ASB9: variants seen among roughly 807,000 people sequenced by gnomAD.
ASB9 encodes the protein ankyrin repeat and SOCS box containing 9.
ASB9 carries 5 observed loss-of-function variants against 16.6 expected under a neutral mutation model. That is an observed-to-expected ratio of 0.30 (90% confidence interval 0.16 to 0.63). The LOEUF (loss-of-function observed/expected upper bound fraction) is 0.63, where lower values mean the gene tolerates loss of function less well. Ranked by LOEUF, ASB9 falls within the 30% of genes least tolerant of loss-of-function variation. The pLI is 0.82. For missense variants in ASB9, 216 were observed against 229.4 expected (o/e 0.94, Z 0.38); for synonymous variants, 100 against 86.4 (o/e 1.16, Z -0.87).
intron 3 of ASB9, among the ~76,000 whole-genome samples, chrX:15,254,326 C>T (rs7066576): frequency 0.19 from 21,328 of 111,675 alleles, 2,324 homozygotes; most frequent in African/African-American, 0.41. Flanking sequence ...TCCATTTTTG[C>T]TGCTCTTGCA....
chrX:15,259,570 G>A (rs955278901), intron 1 of ASB9, among the ~76,000 whole-genome samples: 12 of 112,684 alleles, frequency 1.1e-4, no homozygotes, highest in South Asian at 3.6e-4. Context: ...ATTCAGACCC[G>A]CTTCACCTTT....
At chrX:15,266,650 T>C (rs1038394468) in intron 1 of ASB9, among the ~76,000 whole-genome samples, 17 of 111,367 alleles carry the variant, frequency 1.5e-4, no homozygotes, top group Non-Finnish European at 1.9e-4. Context: ...TTAGGAACTT[T>C]AGAAATCCTG....
chrX:15,268,053 C>T (rs1007009383), intron 1 of ASB9, among the ~76,000 whole-genome samples: 4 of 109,853 alleles, frequency 3.6e-5, no homozygotes, highest in Non-Finnish European at 7.6e-5. Flanking sequence ...GACTGACGGC[C>T]GGGCGTGGTG....
chrX:15,250,601 C>T (rs1211065452), intron 4 of ASB9, 37 bp from the exon 5 acceptor site: 1 of 1,166,281 alleles, frequency 8.6e-7, no homozygotes, highest in Admixed American at 2.3e-5. Flanking sequence ...AGTTACAATA[C>T]AAGTTCCCTT....
At chrX:15,248,119 A>G (rs752114733) in intron 6 of ASB9, among the ~76,000 whole-genome samples, 1 of 111,880 alleles carries the variant, frequency 8.9e-6, no homozygotes, top group Non-Finnish European at 1.9e-5. Flanking sequence ...GTGGCTCCCC[A>G]ACTTGAGGTG....
intron 4 of ASB9, among the ~76,000 whole-genome samples, chrX:15,250,959 G>C (rs943327423): frequency 4.5e-5 from 5 of 111,593 alleles, no homozygotes; most frequent in Non-Finnish European, 7.5e-5. Context: ...CTGACCTCGT[G>C]GTCCGCCCGC....
chrX:15,264,698 G>C (rs1455768496), intron 1 of ASB9, among the ~76,000 whole-genome samples: 1 of 111,537 alleles, frequency 9.0e-6, no homozygotes, highest in Non-Finnish European at 1.9e-5. Flanking sequence ...ACAGCATTCT[G>C]AGTGTTCCCC....
intron 5 of ASB9, 87 bp from the exon 6 acceptor site, chrX:15,249,022 C>G: frequency 1.0e-6 from 1 of 958,067 alleles, no homozygotes; most frequent in South Asian, 3.0e-5. Context: ...CCAAAATTTC[C>G]TAACAAGAGG....
chrX:15,252,288 A>T lies in ASB9; in HGVS notation c.399T>A (p.Asp133Glu), dbSNP rs369486536. The change falls in exon 4 of 7, where the codon GAT becomes GAA. Residue 133 changes from aspartate to glutamate, a missense_variant. Physicochemically the swap from Asp to Glu is conservative, Grantham distance 45. Transcript: ENST00000380488. ...QHGASVQPES[D>E]LASPIHEAAR... ...CAGCTTCATGGATGGGGGATGCCAG[A>T]TCACTCTCAGGTTGAACGCTGGCTC... is the stretch of plus-strand genomic sequence containing the variant. The T allele has an allele frequency of 1.1e-5, 13 of 1,207,464 alleles. No homozygotes were observed. The African/African-American group carries it at 1.9e-4, about 18-fold the overall frequency.
intron 1 of ASB9, among the ~76,000 whole-genome samples, chrX:15,267,425 T>TTAAAAAAAAAAAAAAAAAAATAC (rs377056337): frequency 4.6e-5 from 4 of 87,655 alleles, no homozygotes; most frequent in African/African-American, 1.2e-4. Flanking sequence ...AAAATATATA[T>TTAAAAAAAAAAAAAAAAAAATAC]ATATATATAA....
intron 6 of ASB9, among the ~76,000 whole-genome samples, chrX:15,247,396 G>A (rs1435263230): frequency 1.8e-5 from 2 of 111,837 alleles, no homozygotes; most frequent in Non-Finnish European, 3.8e-5. Flanking sequence ...AAAGCAGAAG[G>A]GAAAAGCCAG....
intron 2 of ASB9, among the ~76,000 whole-genome samples, chrX:15,255,385 A>C (rs1337264581): frequency 9.0e-6 from 1 of 111,585 alleles, no homozygotes; most frequent in Non-Finnish European, 1.9e-5. Flanking sequence ...AGGCAAAACT[A>C]CCCCATATTG....
chrX:15,253,532 G>A (rs185948905), intron 3 of ASB9, among the ~76,000 whole-genome samples: 170 of 108,683 alleles, frequency 1.6e-3, no homozygotes, highest in African/African-American at 5.3e-3. Context: ...CCCAGGAGGC[G>A]GAGGTTGCAG....
intron 2 of ASB9, among the ~76,000 whole-genome samples, chrX:15,256,664 C>CT: frequency 9.8e-6 from 1 of 102,512 alleles, no homozygotes; most frequent in Admixed American, 1.1e-4. Flanking sequence ...GTAGTCCCAG[C>CT]TACTCGGGAG....
intron 6 of ASB9, among the ~76,000 whole-genome samples, chrX:15,246,456 C>T (rs1165563682): frequency 9.0e-6 from 1 of 111,389 alleles, no homozygotes; most frequent in East Asian, 2.8e-4. Context: ...TCTTTTTTCC[C>T]CCAGCAACAA....
At chrX:15,248,038 C>T (rs1924808809) in intron 6 of ASB9, among the ~76,000 whole-genome samples, 1 of 111,952 alleles carries the variant, frequency 8.9e-6, no homozygotes, top group Admixed American at 9.5e-5. Flanking sequence ...CTTCAGAGTC[C>T]ATACTCCGGT....
chrX:15,256,775 C>CAA (rs1248547700), intron 2 of ASB9, among the ~76,000 whole-genome samples: 29 of 35,932 alleles, frequency 8.1e-4, no homozygotes, highest in African/African-American at 1.4e-3. Flanking sequence ...GACTCCGTCT[C>CAA]AAAAAAAAAA....
chrX:15,263,386 G>A (rs1926127925), intron 1 of ASB9, among the ~76,000 whole-genome samples: 1 of 111,130 alleles, frequency 9.0e-6, no homozygotes, highest in Admixed American at 9.6e-5. Flanking sequence ...TGTGGACCTT[G>A]GTTTGATCCC....
At chrX:15,244,679 G>C in intron 6 of ASB9, 49 bp from the exon 7 acceptor site, 1 of 1,032,131 alleles carries the variant, frequency 9.7e-7, no homozygotes, top group Non-Finnish European at 1.3e-6. Flanking sequence ...ATTGATCTAA[G>C]ACTCCTTTTT....
Sources: gnomAD v4.1 joint callset for allele counts (sites outside exome capture counted in the v4.1 genomes callset) on GRCh38, gnomAD v4.1.1 for gene constraint, MANE v1.5 for transcripts, NCBI Gene and HGNC (gene_info 2026-07-23, HGNC 2026-07-21) for gene names.